The following KYNU variants were observed in gnomAD, a reference collection of about 807,000 sequenced individuals.
The protein encoded by KYNU is kynureninase.
Under a neutral mutation model 59.2 loss-of-function variants are expected in KYNU, and 54 were observed. The observed-to-expected ratio is 0.91, with a 90% CI of 0.73 to 1.14. The LOEUF (loss-of-function observed/expected upper bound fraction) is 1.14. Ranked by LOEUF, KYNU falls within the 50% of genes most tolerant of loss-of-function variation. The pLI is 0.00. For missense variants in KYNU, 567 were observed against 554.4 expected, an observed-to-expected ratio of 1.02 and a Z score of -0.23; for synonymous variants, 177 against 192.0, an observed-to-expected ratio of 0.92 and a Z score of 0.65.
At position 142,905,516 on chromosome 2, in the gene KYNU, G is replaced by T. The variant is rs559839171; in HGVS notation, c.170-13093G>T. On this transcript the variant is annotated intron_variant, in intron 2 of 13. Transcript: ENST00000264170. ...ATGGTAATTAAGATTTAAATCCCCT[G>T]TTAGGAAAGCTGCTAGGTTAAGGGA... 3.3e-5 allele frequency among the ~76,000 whole-genome samples: 5 copies of T among 152,318 alleles called. No individual in the cohort carries two copies. In the East Asian group the frequency reaches 9.6e-4, roughly 29 times the overall value.
At chr2:142,918,521 T>C (rs1682750963) in intron 2 of KYNU, 88 bp from the exon 3 acceptor site, 3 of 1,325,758 alleles carry the variant, frequency 2.3e-6, no homozygotes, top group Non-Finnish European at 3.1e-6. Context: ...TTAGAGTTGA[T>C]TGTATTAATT....
intron 10 of KYNU, among the ~76,000 whole-genome samples, chr2:142,999,550 T>G (rs1685650383): frequency 6.6e-6 from 1 of 152,168 alleles, no homozygotes; most frequent in Admixed American, 6.5e-5. Flanking sequence ...GGTCAAGTTG[T>G]GAGCTAGCAA....
chr2:143,018,484 C>T (rs1278260885), intron 10 of KYNU, among the ~76,000 whole-genome samples: 1 of 152,030 alleles, frequency 6.6e-6, no homozygotes, highest in Non-Finnish European at 1.5e-5. Context: ...CTGTCCTGTC[C>T]TATTGGTCTA....
At chr2:142,941,588 C>CT (rs1407456045) in intron 4 of KYNU, among the ~76,000 whole-genome samples, 1 of 152,150 alleles carries the variant, frequency 6.6e-6, no homozygotes, top group Admixed American at 6.5e-5. Flanking sequence ...TATTTGAAGT[C>CT]TTTTCAGTGG....
rs780663493 is a variant in KYNU, at chr2:142,985,092, T to G, written c.738T>G (p.Tyr246Ter). Residue 246 changes from tyrosine (Y) to a stop codon, truncating the protein, a stop_gained, in exon 9 of 14, where the codon TAT becomes TAG. Coordinates refer to ENST00000264170, the MANE Select transcript of KYNU (RefSeq NM_003937.3). LOFTEE classifies it high-confidence loss of function. ...ATTGTGTTCTTCCCTAGGGTTGTTA[T>G]GTTGGCTTTGATCTAGCACATGCAG... ...ITKAGQAKGCYVGFDLAHAVG... is the reference protein window; with the variant it reads ...ITKAGQAKGC 6.2e-7 allele frequency: 1 copy of G among 1,600,434 alleles called. No individual in the cohort carries two copies. Among genetic ancestry groups the G allele is most frequent in the Non-Finnish European group, 8.6e-7 (1 of 1,168,170 alleles).
At chr2:143,030,980 G>A (rs1686722251) in intron 11 of KYNU, among the ~76,000 whole-genome samples, 1 of 152,080 alleles carries the variant, frequency 6.6e-6, no homozygotes, top group African/African-American at 2.4e-5. Flanking sequence ...TACTAAAAGT[G>A]GAAAACACAA....
rs1553484697 is a variant in KYNU, at chr2:142,977,372, G to GAGATATATATATATATATATATATATAT, written c.730-7711_730-7710insGATATATATATATATATATATATATATA. On this transcript the variant is annotated intron_variant, in intron 8 of 13. Coordinates refer to ENST00000264170, the MANE Select transcript of KYNU (RefSeq NM_003937.3). ...AGCTTCCTGGATGGAATTTTGTGTG[G>GAGATATATATATATATATATATATATAT]ATATATATATATATGAATAATCATA... 9.6e-4 allele frequency among the ~76,000 whole-genome samples: 126 copies of GAGATATATATATATATATATATATATAT among 131,170 alleles called. 2 individuals are homozygous for GAGATATATATATATATATATATATATAT. The highest frequency in any genetic ancestry group is 2.9e-3 in the African/African-American group (102 of 34,582). 86.1% of individuals were successfully genotyped at this position (131,170 alleles called of 152,430 possible). A position where few individuals can be genotyped will look rare whatever the true frequency, so the allele number is the denominator to read the frequency against.
At chr2:142,961,038 C>T (rs1684328232) in intron 8 of KYNU, among the ~76,000 whole-genome samples, 1 of 151,792 alleles carries the variant, frequency 6.6e-6, no homozygotes, top group African/African-American at 2.4e-5. Context: ...ACTGAAAATA[C>T]AAAAATTAGC....
chr2:142,881,385 T>A (rs1367804310), intron 1 of KYNU: 1 of 152,110 alleles, frequency 6.6e-6, no homozygotes, highest in Non-Finnish European at 1.5e-5. Flanking sequence ...CATCGACAGT[T>A]GAGAAAAGAA....
At position 143,055,500 on chromosome 2, in the gene KYNU, A is replaced by G. The variant is rs1271335114; in HGVS notation, c.*13328A>G. On this transcript the variant is annotated 3_prime_UTR_variant, in exon 14 of 14. Transcript: ENST00000264170. ...CTGGACAATCAAGGATTATCTCCCT[A>G]TGTTAAGGTCAATTGATTAGTGACC... The G allele has an allele frequency of 1.3e-5, 2 of 152,158 alleles. No homozygotes were observed. The highest frequency in any genetic ancestry group is 2.9e-5 in the Non-Finnish European group (2 of 68,034). 9.4% of individuals were successfully genotyped at this position (152,158 alleles called of 1,614,324 possible).
rs189319617 is a variant in KYNU, at chr2:142,926,296, G to A, written c.291-1363G>A. Among the ~76,000 whole-genome samples the A allele has an allele frequency of 2.6e-5, 4 of 151,952 alleles. No homozygotes were observed. The East Asian group carries it at 7.7e-4, about 29-fold the overall frequency. Reference sequence around the variant, plus strand: ...AGTATAATAAAAAAAAAAGTCAGAGGAATATATAGCAGGCTCAAATATTTA... The same window carrying A: ...AGTATAATAAAAAAAAAAGTCAGAGAAATATATAGCAGGCTCAAATATTTA... On this transcript the variant is annotated intron_variant, in intron 3 of 13. Coordinates refer to ENST00000264170, the MANE Select transcript of KYNU (RefSeq NM_003937.3).
At chr2:143,028,114 A>G (rs946363782) in intron 10 of KYNU, among the ~76,000 whole-genome samples, 3 of 151,664 alleles carry the variant, frequency 2.0e-5, no homozygotes, top group Non-Finnish European at 2.9e-5. Flanking sequence ...AAGCAACATG[A>G]TATTTCTCTT....
At position 142,937,488 on chromosome 2, in the gene KYNU, TA is replaced by T. The variant is rs200152625; in HGVS notation, c.373+9758del. Among the ~76,000 whole-genome samples the T allele has an allele frequency of 8.1e-3, 1,171 of 145,356 alleles. 6 individuals carry two copies. Among genetic ancestry groups the T allele is most frequent in the African/African-American group, 0.027 (1,099 of 40,222 alleles). On this transcript the variant is annotated intron_variant, in intron 4 of 13. Transcript: ENST00000264170. Reference sequence around the variant, plus strand: ...CCCCATCACGTGCAGAACACACTGTTAAAAAAAAAAATCATGAGCCAAACTA... The same window carrying T: ...CCCCATCACGTGCAGAACACACTGTTAAAAAAAAAATCATGAGCCAAACTA...
intron 4 of KYNU, among the ~76,000 whole-genome samples, chr2:142,940,400 A>G (rs911328008): frequency 3.9e-5 from 6 of 152,208 alleles, no homozygotes; most frequent in Non-Finnish European, 8.8e-5. Flanking sequence ...GATATTATTC[A>G]GTGAGATTTA....
At chr2:143,005,308 G>A (rs1023284663) in intron 10 of KYNU, among the ~76,000 whole-genome samples, 6 of 152,124 alleles carry the variant, frequency 3.9e-5, no homozygotes, top group South Asian at 2.1e-4. Flanking sequence ...TTTGCTTAGG[G>A]CAGTCACATT....
intron 2 of KYNU, among the ~76,000 whole-genome samples, chr2:142,900,381 G>A (rs1381969097): frequency 4.6e-5 from 7 of 152,118 alleles, no homozygotes; most frequent in Admixed American, 3.3e-4. Flanking sequence ...ATTTAATAGA[G>A]TGAAAACAGA....
chr2:142,931,403 A>G (rs1683213845), intron 4 of KYNU, among the ~76,000 whole-genome samples: 1 of 152,200 alleles, frequency 6.6e-6, no homozygotes, highest in Admixed American at 6.5e-5. Flanking sequence ...TCCTTGTAGT[A>G]GGAGCATCAT....
At chr2:143,007,209 TA>T (rs1181231270) in intron 10 of KYNU, among the ~76,000 whole-genome samples, 3 of 150,404 alleles carry the variant, frequency 2.0e-5, no homozygotes, top group Non-Finnish European at 2.9e-5. Context: ...GAGAAGTGCT[TA>T]AAGGAGCTGA....
At chr2:142,922,133 G>C (rs1312065304) in intron 3 of KYNU, among the ~76,000 whole-genome samples, 1 of 152,172 alleles carries the variant, frequency 6.6e-6, no homozygotes, top group Admixed American at 6.6e-5. Flanking sequence ...CTGAGTCAAA[G>C]AGGATTACAC....
Sources: allele counts gnomAD v4.1 joint callset (sites outside exome capture counted in the v4.1 genomes callset), GRCh38; gene constraint gnomAD v4.1.1; transcripts MANE v1.5; gene names NCBI Gene and HGNC (gene_info 2026-07-23, HGNC 2026-07-21).